Variants in HDAC9 observed in about 807,000 individuals in gnomAD.
The protein encoded by HDAC9 is histone deacetylase 9, also known as MEF-2 interacting transcription repressor (MITR) protein.
Under a neutral mutation model 139.4 loss-of-function variants are expected in HDAC9, and 41 were observed. That is an observed-to-expected ratio of 0.29 (90% CI 0.23 to 0.38). HDAC9 has a LOEUF of 0.38. Among genes scored for constraint, HDAC9 ranks in the 10% least tolerant of loss-of-function variants. The pLI is 1.00. For missense variants in HDAC9, 1,147 were observed against 1,297.0 expected (o/e 0.88, Z 1.78); for synonymous variants, 517 against 476.2 (o/e 1.09, Z -1.12).
chr7:18,437,914 A>G (rs1295344192), intron 1 of HDAC9, among the ~76,000 whole-genome samples: 2 of 150,146 alleles, frequency 1.3e-5, no homozygotes, highest in African/African-American at 4.9e-5. Context: ...CACATGCACC[A>G]CACACACACA....
chr7:18,273,571 G>A (rs539878976), intron 2 of HDAC9, among the ~76,000 whole-genome samples: 100 of 152,232 alleles, frequency 6.6e-4, no homozygotes, highest in African/African-American at 2.3e-3. Flanking sequence ...AAGCACAAAA[G>A]CAATTCCAGA....
chr7:18,786,093 T>C (rs1372982226), intron 16 of HDAC9, among the ~76,000 whole-genome samples: 1 of 152,164 alleles, frequency 6.6e-6, no homozygotes, highest in South Asian at 2.1e-4. Flanking sequence ...TCTCTATGTA[T>C]TTTCTGAATT....
At chr7:18,680,671 G>A (rs940219573) in intron 12 of HDAC9, among the ~76,000 whole-genome samples, 2 of 151,962 alleles carry the variant, frequency 1.3e-5, no homozygotes, top group Admixed American at 6.6e-5. Context: ...AAGATTTACT[G>A]TTACAGTTTG....
intron 16 of HDAC9, among the ~76,000 whole-genome samples, chr7:18,791,215 T>A (rs1235679208): frequency 1.3e-5 from 2 of 151,994 alleles, no homozygotes; most frequent in Non-Finnish European, 2.9e-5. Context: ...ACAAAGCTTA[T>A]GATGTACTCC....
At chr7:18,602,765 T>C (rs1381062343) in intron 6 of HDAC9, among the ~76,000 whole-genome samples, 2 of 152,132 alleles carry the variant, frequency 1.3e-5, no homozygotes, top group East Asian at 3.8e-4. Context: ...GCTGTCTTTC[T>C]GTTATTTATT....
intron 2 of HDAC9, among the ~76,000 whole-genome samples, chr7:18,547,857 T>TTCCTTCCTTCCCTCCCTCCCTCCCTCCC (rs1563229989): frequency 3.4e-5 from 4 of 118,456 alleles, no homozygotes; most frequent in African/African-American, 1.6e-4. Context: ...CCTTCCTTCC[T>TTCCTTCCTTCCCTCCCTCCCTCCCTCCC]ACCCTCCCTC....
chr7:18,489,645 A>G (rs1008442567), intron 1 of HDAC9, among the ~76,000 whole-genome samples: 1 of 152,042 alleles, frequency 6.6e-6, no homozygotes, highest in African/African-American at 2.4e-5. Context: ...ATTCTTGTAT[A>G]CATTTATATC....
At chr7:18,473,137 A>T (rs1172966962) in intron 1 of HDAC9, among the ~76,000 whole-genome samples, 1 of 152,220 alleles carries the variant, frequency 6.6e-6, no homozygotes, top group Non-Finnish European at 1.5e-5. Context: ...ACAGACAGGG[A>T]TCGCCAGCAT....
Position 18,727,713 on chromosome 7 carries a change from C to T in HDAC9, c.1865C>T (p.Pro622Leu), listed in dbSNP as rs774469606. 2 of 1,576,930 alleles carry T rather than the reference C, an allele frequency of 1.3e-6. No homozygotes were observed. The highest frequency in any genetic ancestry group is 4.0e-5 in the Admixed American group (2 of 50,464). ...TCTTCCCCTGCTGCCTCTGTTTTAC[C>T]TCACCCAGCAATGGACCGCCCCCTC... ...THSSPAASVL[P>L]HPAMDRPLQP... Residue 622 changes from proline (P) to leucine (L), a missense_variant, in exon 13 of 26, where the codon CCT becomes CTT. Physicochemically the swap from Pro to Leu is moderately conservative, Grantham distance 98 (BLOSUM62 -3). This residue lies in a region of HDAC9 where 256 missense variants were observed against 219.2 expected (regional missense o/e 1.17). Transcript: ENST00000686413.
chr7:18,458,207 T>A (rs1381073050), intron 1 of HDAC9, among the ~76,000 whole-genome samples: 1 of 152,164 alleles, frequency 6.6e-6, no homozygotes, highest in East Asian at 1.9e-4. Context: ...TCGTGGATGG[T>A]TGACCAGAAT....
chr7:18,667,754 G>T (rs1795237291), intron 12 of HDAC9: 2 of 984,430 alleles, frequency 2.0e-6, no homozygotes, highest in African/African-American at 1.7e-5. Flanking sequence ...GGCACTCTAT[G>T]AATTGATTTA....
intron 1 of HDAC9, among the ~76,000 whole-genome samples, chr7:18,382,165 C>G (rs1235336771): frequency 6.6e-6 from 1 of 151,630 alleles, no homozygotes; most frequent in East Asian, 1.9e-4. Context: ...TATATCTATT[C>G]CATATCTTAA....
chr7:18,995,154 T>A (rs989244946), intron 25 of HDAC9, among the ~76,000 whole-genome samples: 16 of 152,344 alleles, frequency 1.1e-4, no homozygotes, highest in African/African-American at 3.6e-4. Flanking sequence ...GGTTTACACC[T>A]GAAACCAGAG....
chr7:18,356,043 C>G (rs78570644), intron 1 of HDAC9, among the ~76,000 whole-genome samples: 2,716 of 151,946 alleles, frequency 0.018, 80 homozygotes, highest in African/African-American at 0.063. Context: ...TTGAATTGTA[C>G]CCTTTAAATG....
intron 23 of HDAC9, 114 bp from the exon 24 acceptor site, chr7:18,954,032 G>T: frequency 4.3e-6 from 3 of 705,698 alleles, no homozygotes. Context: ...ATGTTAACTA[G>T]TTCTCGGAGC....
In HDAC9 at chr7:18,584,140, C is replaced by CTTTTTTT. The variant is rs3084518; in HGVS notation, c.23-1127_23-1121dup. On this transcript the variant is annotated intron_variant, in intron 2 of 25. Coordinates refer to ENST00000686413, the MANE Select transcript of HDAC9 (RefSeq NM_178425.4). ...AACTATTCCTTTAGAAAGCAGCATT[C>CTTTTTTT]TTTTTTTTTTTTTTTTTTTTGAGAC... 7.2e-3 allele frequency among the ~76,000 whole-genome samples: 778 copies of CTTTTTTT among 107,654 alleles called. 43 individuals carry two copies. Among genetic ancestry groups the CTTTTTTT allele is most frequent in the African/African-American group, 0.013 (382 of 28,306 alleles). The allele number at this position is 107,654 out of a possible 152,430, so 70.6% of individuals were successfully genotyped here.
At chr7:18,940,062 C>T (rs1781919096) in intron 23 of HDAC9, among the ~76,000 whole-genome samples, 1 of 152,032 alleles carries the variant, frequency 6.6e-6, no homozygotes. Context: ...CAGGCCATGT[C>T]AATACAGCAA....
At chr7:18,460,990 A>C (rs978800779) in intron 1 of HDAC9, among the ~76,000 whole-genome samples, 11 of 152,126 alleles carry the variant, frequency 7.2e-5, no homozygotes, top group African/African-American at 2.7e-4. Flanking sequence ...AGAGAAGAGT[A>C]AAAAAGCCAG....
intron 1 of HDAC9, among the ~76,000 whole-genome samples, chr7:18,431,370 T>A (rs1307923902): frequency 1.3e-5 from 2 of 152,214 alleles, no homozygotes; most frequent in Non-Finnish European, 2.9e-5. Flanking sequence ...CCCGGCCTGA[T>A]GAAGTCATGA....
Sources: allele counts gnomAD v4.1 joint callset (sites outside exome capture counted in the v4.1 genomes callset), GRCh38; gene constraint gnomAD v4.1.1; regional missense constraint gnomAD v4.1.1; transcripts MANE v1.5; gene names NCBI Gene and HGNC (gene_info 2026-07-23, HGNC 2026-07-21).